FSTL5: variants seen among roughly 807,000 people sequenced by gnomAD.
FSTL5 encodes follistatin-related protein 5.
In FSTL5, 62 loss-of-function variants were observed where a neutral mutation model predicts 89.1. That is an observed-to-expected ratio of 0.70 (90% CI 0.57 to 0.86). The LOEUF is 0.86. FSTL5 is among the 40% of genes least tolerant of loss of function. The pLI, the probability that FSTL5 is intolerant of heterozygous loss-of-function variation, is 0.00. For synonymous variants in FSTL5, 383 were observed against 346.2 expected (o/e 1.11, Z -1.18); for missense variants, 1,057 against 1,001.6 (o/e 1.06, Z -0.75).
At position 162,023,328 on chromosome 4, in the gene FSTL5, A is replaced by C. The variant is rs577648191; in HGVS notation, c.160+10297T>G. ...CACTTAAGTCTGAATAAGTGACTGT[A>C]TGAAGCATTACTACATCTAAGTTAA... On this transcript the variant is annotated intron_variant, in intron 3 of 15. Transcript: ENST00000306100. 1.2e-3 allele frequency among the ~76,000 whole-genome samples: 182 copies of C among 152,314 alleles called. 1 individual carries two copies. Among genetic ancestry groups the C allele is most frequent in the African/African-American group, 4.2e-3 (176 of 41,574 alleles).
At position 161,916,123 on chromosome 4, in the gene FSTL5, C is replaced by T. The variant is rs9884201; in HGVS notation, c.409+4281G>A. Among the ~76,000 whole-genome samples, 723 of 152,182 alleles carry T rather than the reference C, an allele frequency of 4.8e-3. 7 individuals are homozygous for T. The highest frequency in any genetic ancestry group is 0.017 in the African/African-American group (698 of 41,524). On this transcript the variant is annotated intron_variant, in intron 4 of 15. Coordinates refer to ENST00000306100, the MANE Select transcript of FSTL5 (RefSeq NM_020116.5). Reference sequence around the variant, plus strand: ...AATGGAAACAATGTCAGATTTCATGCTAACAGTGCACAGATCGCTGTGACA... The same window carrying T: ...AATGGAAACAATGTCAGATTTCATGTTAACAGTGCACAGATCGCTGTGACA...
intron 6 of FSTL5, among the ~76,000 whole-genome samples, chr4:161,757,686 T>C (rs1740626136): frequency 6.6e-6 from 1 of 152,196 alleles, no homozygotes; most frequent in South Asian, 2.1e-4. Flanking sequence ...TTGCGTGATC[T>C]TGGCTCACTT....
Position 161,455,145 on chromosome 4 carries a change from T to G in FSTL5, c.1717-17A>C. Reference sequence around the variant, plus strand: ...GGTAATTACCTAAAGAGAACACACCTTGGTTAGACCTCAACAATGCAGTCA... The same window carrying G: ...GGTAATTACCTAAAGAGAACACACCGTGGTTAGACCTCAACAATGCAGTCA... On this transcript the variant is annotated splice_polypyrimidine_tract_variant and intron_variant, in intron 14 of 15. Transcript: ENST00000306100. 2.5e-6 allele frequency: 4 copies of G among 1,583,186 alleles called. No individual in the cohort carries two copies. The highest frequency in any genetic ancestry group is 1.7e-6 in the Non-Finnish European group (2 of 1,167,916).
At chr4:161,835,288 A>T (rs1054974950) in intron 4 of FSTL5, among the ~76,000 whole-genome samples, 2 of 152,138 alleles carry the variant, frequency 1.3e-5, no homozygotes, top group Non-Finnish European at 2.9e-5. Flanking sequence ...CTTACACCTT[A>T]TACAAAAATT....
At chr4:162,110,853 G>C (rs903926325) in intron 2 of FSTL5, among the ~76,000 whole-genome samples, 4 of 151,710 alleles carry the variant, frequency 2.6e-5, no homozygotes, top group African/African-American at 9.7e-5. Flanking sequence ...CTATATATCT[G>C]CAGACAGTGT....
chr4:161,948,495 T>TG (rs2110944970), intron 3 of FSTL5, among the ~76,000 whole-genome samples: 1 of 144,902 alleles, frequency 6.9e-6, no homozygotes, highest in African/African-American at 2.5e-5. Context: ...CTTTTTTTTT[T>TG]TTTTTTTTGG....
At chr4:161,743,962 CTAG>C (rs1268254447) in intron 6 of FSTL5, among the ~76,000 whole-genome samples, 1 of 152,126 alleles carries the variant, frequency 6.6e-6, no homozygotes, top group Admixed American at 6.5e-5. Flanking sequence ...ACTCTTCCTT[CTAG>C]TAGAATTCAA....
At chr4:162,156,474 A>G (rs1295452263) in intron 1 of FSTL5, among the ~76,000 whole-genome samples, 2 of 152,212 alleles carry the variant, frequency 1.3e-5, no homozygotes, top group Non-Finnish European at 2.9e-5. Flanking sequence ...TCACTATAGC[A>G]AAGACATGGA....
chr4:162,142,811 CTA>C (rs936197115), intron 1 of FSTL5, among the ~76,000 whole-genome samples: 3 of 152,128 alleles, frequency 2.0e-5, no homozygotes, highest in African/African-American at 7.2e-5. Context: ...CAATTTTTAG[CTA>C]TGTGACTTTA....
chr4:161,714,993 T>C (rs1738926825), intron 6 of FSTL5, among the ~76,000 whole-genome samples: 2 of 152,150 alleles, frequency 1.3e-5, no homozygotes, highest in South Asian at 4.1e-4. Flanking sequence ...AGAGCAGGAC[T>C]ATTTTATATA....
chr4:161,890,752 G>A (rs1387798542), intron 4 of FSTL5, among the ~76,000 whole-genome samples: 1 of 150,774 alleles, frequency 6.6e-6, no homozygotes, highest in Non-Finnish European at 1.5e-5. Context: ...GTAAAATGAG[G>A]AAAAATATGT....
At chr4:161,413,314 GA>G (rs1158268798) in intron 15 of FSTL5, among the ~76,000 whole-genome samples, 99 of 120,054 alleles carry the variant, frequency 8.2e-4, no homozygotes, top group African/African-American at 6.9e-4. Context: ...AGAAGCATAT[GA>G]AAAAAAATGT....
At chr4:161,914,989 A>G (rs1733798602) in intron 4 of FSTL5, among the ~76,000 whole-genome samples, 1 of 152,190 alleles carries the variant, frequency 6.6e-6, no homozygotes, top group Admixed American at 6.5e-5. Flanking sequence ...GTATTAAGAA[A>G]CATAGGCAAG....
chr4:161,886,335 T>C (rs1356958838), intron 4 of FSTL5, among the ~76,000 whole-genome samples: 2 of 152,126 alleles, frequency 1.3e-5, no homozygotes, highest in South Asian at 2.1e-4. Flanking sequence ...AGAAAGCAAA[T>C]TGCAGTGTGT....
chr4:161,830,633 C>T (rs1730814700), intron 4 of FSTL5, among the ~76,000 whole-genome samples: 1 of 151,964 alleles, frequency 6.6e-6, no homozygotes, highest in South Asian at 2.1e-4. Context: ...GCAAACTGAA[C>T]ATGCTTTTGT....
intron 3 of FSTL5, among the ~76,000 whole-genome samples, chr4:161,942,206 T>C (rs1210227591): frequency 6.6e-6 from 1 of 151,468 alleles, no homozygotes; most frequent in Non-Finnish European, 1.5e-5. Context: ...ATAATCTAAC[T>C]ATACACCTTA....
rs896891117 is a variant in FSTL5, at chr4:161,395,919, T to C, written c.1842-9470A>G. The stretch of plus-strand genomic sequence containing the variant: ...CTTAAATACTAGATTGTTATAACAA[T>C]GGCCTCCAATTAATCCTACCTGCCA... On this transcript the variant is annotated intron_variant, in intron 15 of 15. Coordinates refer to ENST00000306100, the MANE Select transcript of FSTL5 (RefSeq NM_020116.5). Among the ~76,000 whole-genome samples, 12 of 152,164 alleles carry C rather than the reference T, an allele frequency of 7.9e-5. No individual in the cohort carries two copies. The East Asian group carries it at 2.3e-3, about 29-fold the overall frequency.
At chr4:162,160,531 G>A (rs1382619050) in intron 1 of FSTL5, among the ~76,000 whole-genome samples, 1 of 151,618 alleles carries the variant, frequency 6.6e-6, no homozygotes, top group African/African-American at 2.4e-5. Context: ...AGTCTTTTGA[G>A]CTTCATAATA....
Position 161,646,722 on chromosome 4 carries a change from C to G in FSTL5, c.894+9606G>C, listed in dbSNP as rs148972469. Reference sequence around the variant, plus strand: ...TATCTGTCTGTGTTTTTCTCTTCAACAGAATGCCTTGCTTTAAATATAGAT... The same window carrying G: ...TATCTGTCTGTGTTTTTCTCTTCAAGAGAATGCCTTGCTTTAAATATAGAT... On this transcript the variant is annotated intron_variant, in intron 7 of 15. Coordinates refer to ENST00000306100, the MANE Select transcript of FSTL5 (RefSeq NM_020116.5). 6.0e-3 allele frequency among the ~76,000 whole-genome samples: 910 copies of G among 152,242 alleles called. 9 individuals are homozygous for G. The highest frequency in any genetic ancestry group is 0.045 in the South Asian group (218 of 4,828).
Sources: allele counts gnomAD v4.1 joint callset (sites outside exome capture counted in the v4.1 genomes callset), GRCh38; gene constraint gnomAD v4.1.1; transcripts MANE v1.5; gene names NCBI Gene and HGNC (gene_info 2026-07-23, HGNC 2026-07-21).